The following MSI2 variants were observed in gnomAD, a reference collection of about 807,000 sequenced individuals.
MSI2 encodes musashi RNA binding protein 2.
A neutral mutation model predicts 45.6 loss-of-function variants in MSI2; 17 were observed. That is an observed-to-expected ratio of 0.37 (90% CI 0.26 to 0.56). The LOEUF is 0.56. MSI2 is among the 20% of genes least tolerant of loss of function. MSI2 has a pLI of 0.77. For synonymous variants in MSI2, 156 were observed against 158.2 expected (o/e 0.99, Z 0.11); for missense variants, 293 against 444.2 (o/e 0.66, Z 3.06).
At chr17:57,586,829 G>A (rs1001396907) in intron 7 of MSI2, among the ~76,000 whole-genome samples, 2 of 148,090 alleles carry the variant, frequency 1.4e-5, no homozygotes, top group East Asian at 2.0e-4. Flanking sequence ...CCTGGCCAAC[G>A]TGGCAAAACC....
intron 7 of MSI2, among the ~76,000 whole-genome samples, chr17:57,535,449 C>CTG: frequency 6.6e-6 from 1 of 152,258 alleles, no homozygotes; most frequent in Admixed American, 6.5e-5. Flanking sequence ...CTTCATTACC[C>CTG]AGCAGGCCTG....
intron 7 of MSI2, among the ~76,000 whole-genome samples, chr17:57,581,002 A>ATAT (rs1567914151): frequency 3.4e-5 from 2 of 58,230 alleles, no homozygotes; most frequent in African/African-American, 1.3e-4. Context: ...TGAGGTCAGC[A>ATAT]TCTTTTTTTT....
intron 8 of MSI2, among the ~76,000 whole-genome samples, chr17:57,604,742 G>GGA (rs1906333655): frequency 6.6e-6 from 1 of 152,208 alleles, no homozygotes; most frequent in Non-Finnish European, 1.5e-5. Context: ...GGATAAGAAG[G>GGA]GAGGAGGGTC....
intron 7 of MSI2, among the ~76,000 whole-genome samples, chr17:57,579,827 GCTGTCC>G (rs1298700240): frequency 6.6e-6 from 1 of 152,150 alleles, no homozygotes; most frequent in Admixed American, 6.5e-5. Context: ...CTATAATGCT[GCTGTCC>G]CTATTTGAAG....
chr17:57,392,236 T>C (rs1048132763), intron 5 of MSI2, among the ~76,000 whole-genome samples: 5 of 152,222 alleles, frequency 3.3e-5, no homozygotes, highest in African/African-American at 4.8e-5. Flanking sequence ...TATTACTCTC[T>C]GATAGTAATC....
rs1235860089 is a variant in MSI2 at position 57,257,149 on chromosome 17, G to A, written c.103+11G>A. The A allele has an allele frequency of 6.0e-6, 9 of 1,511,322 alleles. No homozygotes were observed. Among genetic ancestry groups the A allele is most frequent in the Non-Finnish European group, 8.1e-6 (9 of 1,105,256 alleles). The allele number at this position is 1,511,322 out of a possible 1,614,324, so 93.6% of individuals were successfully genotyped here. On this transcript the variant is annotated intron_variant, in intron 2 of 13. Transcript: ENST00000284073. ...GGCAGACCTCACCAGGTAAGGGAGG[G>A]AGGGGGGGACGCCTGGGTCCCCCCC... is the stretch of plus-strand genomic sequence containing the variant.
intron 6 of MSI2, among the ~76,000 whole-genome samples, chr17:57,480,646 G>A (rs972359502): frequency 5.9e-5 from 9 of 152,218 alleles, no homozygotes; most frequent in South Asian, 2.1e-4. Flanking sequence ...GACCTCAGCC[G>A]CAGAGACGAG....
intron 11 of MSI2, among the ~76,000 whole-genome samples, chr17:57,662,030 G>A (rs1034014228): frequency 5.3e-5 from 8 of 152,164 alleles, no homozygotes; most frequent in Non-Finnish European, 1.2e-4. Context: ...CAGGCCTCCC[G>A]GCGGCAAAGT....
intron 5 of MSI2, among the ~76,000 whole-genome samples, chr17:57,366,970 T>C (rs1306449136): frequency 3.3e-5 from 5 of 152,190 alleles, no homozygotes; most frequent in Non-Finnish European, 7.3e-5. Context: ...TCTAAATATA[T>C]CCAACTAGTC....
chr17:57,670,897 T>C (rs1230831952), intron 11 of MSI2, among the ~76,000 whole-genome samples: 1 of 152,222 alleles, frequency 6.6e-6, no homozygotes, highest in Admixed American at 6.5e-5. Context: ...AGCAGTCCCA[T>C]GAGTCAGATT....
intron 5 of MSI2, among the ~76,000 whole-genome samples, chr17:57,368,468 A>T (rs2143943904): frequency 6.6e-6 from 1 of 152,188 alleles, no homozygotes; most frequent in South Asian, 2.1e-4. Flanking sequence ...AGGCAGGAGA[A>T]CCCTTGAACC....
chr17:57,577,496 G>T (rs2088081588), intron 7 of MSI2, among the ~76,000 whole-genome samples: 1 of 152,018 alleles, frequency 6.6e-6, no homozygotes, highest in African/African-American at 2.4e-5. Context: ...TTAAGCCCTG[G>T]TCTCCAGTAG....
chr17:57,691,198 CTCATCT>C, the MSI2 span, among the ~76,000 whole-genome samples: 9 of 118,868 alleles, frequency 7.6e-5, no homozygotes, highest in East Asian at 2.5e-4. Flanking sequence ...CTCTCTCTCT[CTCATCT>C]ATCTATCTAT....
At position 57,257,471 on chromosome 17, in the gene MSI2, C is replaced by T; in HGVS notation, c.109C>T (p.Leu37Phe). The T allele has an allele frequency of 6.5e-7, 1 of 1,543,322 alleles. No homozygotes were observed. The highest frequency in any genetic ancestry group is 8.9e-7 in the Non-Finnish European group (1 of 1,121,400). The change falls in exon 3 of 14, where the codon CTT (leucine) becomes TTT (phenylalanine). Residue 37 changes from leucine (L) to phenylalanine (F), a missense_variant. Coordinates refer to ENST00000284073, the MANE Select transcript of MSI2 (RefSeq NM_138962.4). Reference protein sequence around the residue: ...GLSWQTSPDSLRDYFSKFGEI... With the variant: ...GLSWQTSPDSFRDYFSKFGEI... ...CTCTCTTTCTCTCTCTACAGATAGC[C>T]TTAGAGACTATTTTAGCAAATTTGG...
chr17:57,447,459 G>A (rs1018489314), intron 6 of MSI2, among the ~76,000 whole-genome samples: 15 of 152,134 alleles, frequency 9.9e-5, no homozygotes, highest in Non-Finnish European at 2.1e-4. Flanking sequence ...GGATAGGGGG[G>A]ACCAGTTGTG....
Position 57,596,826 on chromosome 17 carries a change from C to G in MSI2, c.455-42C>G, listed in dbSNP as rs774357862. 51 of 1,465,152 alleles carry G rather than the reference C, an allele frequency of 3.5e-5. No homozygotes were observed. Among genetic ancestry groups the G allele is most frequent in the Non-Finnish European group, 4.8e-5 (50 of 1,047,024 alleles). 90.8% of individuals were successfully genotyped at this position (1,465,152 alleles called of 1,614,324 possible). A position where few individuals can be genotyped will look rare whatever the true frequency, so the allele number is the denominator to read the frequency against. On this transcript the variant is annotated intron_variant, in intron 7 of 13. Transcript: ENST00000284073. This position sits in a 1 kb window ranked among gnomAD's most constrained non-coding sequence, Gnocchi z 4.6. ...CCTGGGCCTGCCAGAACTGAACTCACCCCGCCTCTCTTTGTTTTTTCTTCT... is the reference window on the plus strand; with the variant it reads ...CCTGGGCCTGCCAGAACTGAACTCAGCCCGCCTCTCTTTGTTTTTTCTTCT...
In MSI2 at chr17:57,495,547, A is replaced by AG. The variant is rs796770748; in HGVS notation, c.406-34129_406-34128insG. Among the ~76,000 whole-genome samples the AG allele has an allele frequency of 1.7e-3, 258 of 149,704 alleles. 4 individuals carry two copies. Among genetic ancestry groups the AG allele is most frequent in the African/African-American group, 6.2e-3 (247 of 40,098 alleles). On this transcript the variant is annotated intron_variant, in intron 6 of 13. Transcript: ENST00000284073. ...GACTCTGTCTCAAAAAAAAAAAAAAAAAAAAGAAAGCTTTACTTGGCTTCT... is the reference window on the plus strand; with the variant it reads ...GACTCTGTCTCAAAAAAAAAAAAAAAGAAAAAGAAAGCTTTACTTGGCTTCT...
chr17:57,567,989 G>A (rs1359521215), intron 7 of MSI2, among the ~76,000 whole-genome samples: 1 of 152,128 alleles, frequency 6.6e-6, no homozygotes, highest in South Asian at 2.1e-4. Flanking sequence ...GAGGCACAGC[G>A]GGATTTGATG....
intron 5 of MSI2, among the ~76,000 whole-genome samples, chr17:57,375,322 C>T (rs2083478284): frequency 1.3e-5 from 2 of 152,196 alleles, no homozygotes; most frequent in Admixed American, 6.5e-5. Flanking sequence ...GCACTTCCCC[C>T]GTGGCTGTTT....
Sources: allele counts gnomAD v4.1 joint callset (sites outside exome capture counted in the v4.1 genomes callset), GRCh38; gene constraint gnomAD v4.1.1; non-coding constraint Gnocchi (gnomAD v3.1); transcripts MANE v1.5; gene names NCBI Gene and HGNC (gene_info 2026-07-23, HGNC 2026-07-21).